The following TRPA1 variants were observed in gnomAD, a reference collection of about 807,000 sequenced individuals.
TRPA1 encodes the protein ankyrin-like with transmembrane domains 1.
A neutral mutation model predicts 131.3 loss-of-function variants in TRPA1; 129 were observed. The ratio of observed to expected loss-of-function variants is 0.98; its 90% CI spans 0.85 to 1.14. The LOEUF (loss-of-function observed/expected upper bound fraction) is 1.14, where lower values mean the gene tolerates loss of function less well. TRPA1 is among the 50% of genes most tolerant of loss of function. The pLI is 0.00. For synonymous variants in TRPA1, 441 were observed against 451.7 expected (o/e 0.98, Z 0.30); for missense variants, 1,304 against 1,354.2 (o/e 0.96, Z 0.58).
At chr8:72,075,278 A>C in intron 1 of TRPA1, 21 bp downstream of exon 1, 2 of 1,598,832 alleles carry the variant, frequency 1.3e-6, no homozygotes, top group Non-Finnish European at 1.7e-6. Context: ...ACCCCTCCAG[A>C]CCCGCGAGCC....
intron 17 of TRPA1, among the ~76,000 whole-genome samples, chr8:72,043,701 C>T (rs1585858644): frequency 6.6e-6 from 1 of 151,602 alleles, no homozygotes; most frequent in South Asian, 2.1e-4. Context: ...TTTTAGCTTC[C>T]TTGTATTAAC....
the TRPA1 span, among the ~76,000 whole-genome samples, chr8:72,085,174 G>T: frequency 6.6e-6 from 1 of 151,966 alleles, no homozygotes; most frequent in East Asian, 1.9e-4. Context: ...ATCTTATATT[G>T]CCTACACTTT....
chr8:72,075,914 G>A (rs1806174358), upstream of TRPA1, among the ~76,000 whole-genome samples: 1 of 150,160 alleles, frequency 6.7e-6, no homozygotes. Context: ...GTGTTGGGTG[G>A]AGGGTGGGGG....
chr8:72,053,947 G>T, intron 12 of TRPA1, 80 bp from the exon 13 acceptor site: 2 of 958,214 alleles, frequency 2.1e-6, no homozygotes, highest in Non-Finnish European at 3.3e-6. Context: ...GCTTATTCTA[G>T]GTAAATCTGA....
At chr8:72,077,305 C>T (rs1273618418), upstream of TRPA1, among the ~76,000 whole-genome samples, 6 of 146,224 alleles carry the variant, frequency 4.1e-5, no homozygotes, top group South Asian at 2.2e-4. Context: ...GGGGGGGCAG[C>T]GTGGGCCAGT....
chr8:72,074,573 G>C (rs1003315759), intron 1 of TRPA1, among the ~76,000 whole-genome samples: 2 of 152,118 alleles, frequency 1.3e-5, no homozygotes, highest in African/African-American at 4.8e-5. Flanking sequence ...CTGACAATCT[G>C]ATGAAATCCA....
At chr8:72,033,302 T>C (rs1419049036) in intron 23 of TRPA1, among the ~76,000 whole-genome samples, 1 of 152,224 alleles carries the variant, frequency 6.6e-6, no homozygotes, top group African/African-American at 2.4e-5. Flanking sequence ...CCCATGACAT[T>C]ATGCTACACA....
At chr8:72,076,548 T>C (rs1042180090), upstream of TRPA1, 1 of 152,416 alleles carries the variant, frequency 6.6e-6, no homozygotes, top group Non-Finnish European at 1.5e-5. Flanking sequence ...CCCTGGATTG[T>C]CGTATTCACC....
At chr8:72,086,776 A>C in the TRPA1 span, among the ~76,000 whole-genome samples, 1 of 152,206 alleles carries the variant, frequency 6.6e-6, no homozygotes, top group South Asian at 2.1e-4. Context: ...TAAAACAATT[A>C]TTGGGAAATA....
At chr8:72,074,692 T>A (rs2129437015) in intron 1 of TRPA1, among the ~76,000 whole-genome samples, 1 of 152,234 alleles carries the variant, frequency 6.6e-6, no homozygotes, top group African/African-American at 2.4e-5. Flanking sequence ...GAAGTGCCCA[T>A]CCTAGAGCCT....
intron 13 of TRPA1, chr8:72,053,530 G>A: frequency 1.8e-6 from 1 of 565,938 alleles, no homozygotes; most frequent in East Asian, 3.2e-5. Flanking sequence ...TCGCTGCTCT[G>A]TGAGACTGGA....
intron 4 of TRPA1, among the ~76,000 whole-genome samples, chr8:72,065,152 T>G (rs1318371434): frequency 6.6e-6 from 1 of 152,238 alleles, no homozygotes; most frequent in African/African-American, 2.4e-5. Context: ...CTTTGTATTT[T>G]GCATTCTAGC....
upstream of TRPA1, among the ~76,000 whole-genome samples, chr8:72,076,862 T>C (rs1189411528): frequency 6.6e-6 from 1 of 152,178 alleles, no homozygotes; most frequent in Non-Finnish European, 1.5e-5. Context: ...CAACTTCACC[T>C]TTGCACTCTT....
intron 17 of TRPA1, among the ~76,000 whole-genome samples, chr8:72,044,278 CT>C (rs1812353972): frequency 2.7e-5 from 4 of 150,464 alleles, no homozygotes; most frequent in South Asian, 4.2e-4. Flanking sequence ...GTAGATTTGA[CT>C]TTTTTTCCAT....
chr8:72,050,967 A>T, intron 14 of TRPA1, 96 bp from the exon 15 acceptor site: 1 of 899,968 alleles, frequency 1.1e-6, no homozygotes. Context: ...GGGAAACCTA[A>T]ACTTAAGCAT....
Position 72,052,725 on chromosome 8 carries a change from T to G in TRPA1, c.1685A>C (p.Lys562Thr), listed in dbSNP as rs1229892924. Residue 562 changes from lysine (K) to threonine (T), a missense_variant, in exon 14 of 27, where the codon AAA becomes ACA. Coordinates refer to ENST00000262209, the MANE Select transcript of TRPA1 (RefSeq NM_007332.3). ...GTGGCTCAGAAGAAGCGCAACGGCT[T>G]TGGCGTGGCCTTCCCTTGCAGCAAA... is the stretch of plus-strand genomic sequence containing the variant. ...LHFAAREGHA[K>T]AVALLLSHNA... 1 of 1,613,690 alleles carries G rather than the reference T, an allele frequency of 6.2e-7. No individual in the cohort carries two copies. The highest frequency in any genetic ancestry group is 8.5e-7 in the Non-Finnish European group (1 of 1,179,870).
chr8:72,064,264 A>AAT (rs10554779), intron 4 of TRPA1, among the ~76,000 whole-genome samples: 50 of 147,854 alleles, frequency 3.4e-4, no homozygotes, highest in South Asian at 8.5e-4. Flanking sequence ...ATATATATAT[A>AAT]ATATATATAT....
chr8:72,055,167 C>A, intron 12 of TRPA1: 1 of 418,968 alleles, frequency 2.4e-6, no homozygotes, highest in Non-Finnish European at 4.2e-6. Context: ...CTGAGAAAGA[C>A]TGCACAAAGC....
rs569133457 is a variant in TRPA1 at position 72,056,899 on chromosome 8, T to G, written c.1194+18A>C. The G allele has an allele frequency of 6.4e-7, 1 of 1,567,844 alleles. No individual in the cohort carries two copies. The highest frequency in any genetic ancestry group is 8.7e-7 in the Non-Finnish European group (1 of 1,143,708). ...TTGAACCCAACTCAGTTAATGGCAA[T>G]CCACAGATATACATTACCTGCATAA... On this transcript the variant is annotated intron_variant, in intron 10 of 26. Coordinates refer to ENST00000262209, the MANE Select transcript of TRPA1 (RefSeq NM_007332.3).
Sources: gnomAD v4.1 joint callset for allele counts (sites outside exome capture counted in the v4.1 genomes callset) on GRCh38, gnomAD v4.1.1 for gene constraint, MANE v1.5 for transcripts, NCBI Gene and HGNC (gene_info 2026-07-23, HGNC 2026-07-21) for gene names.